SHANK2: variants seen among roughly 807,000 people sequenced by gnomAD.
SHANK2 encodes SH3 and multiple ankyrin repeat domains protein 2.
A neutral mutation model predicts 133.7 loss-of-function variants in SHANK2; 43 were observed. The ratio of observed to expected loss-of-function variants is 0.32; its 90% CI spans 0.25 to 0.41. SHANK2 has a LOEUF of 0.41. Among genes scored for constraint, SHANK2 ranks in the 10% least tolerant of loss-of-function variants. SHANK2 has a pLI of 1.00. For synonymous variants in SHANK2, 1,017 were observed against 952.8 expected, an observed-to-expected ratio of 1.07 and a Z score of -1.24; for missense variants, 1,994 against 2,235.8, an observed-to-expected ratio of 0.89 and a Z score of 2.18.
chr11:71,110,436 T>TCAAA (rs574848819), intron 5 of SHANK2, among the ~76,000 whole-genome samples: 5 of 151,480 alleles, frequency 3.3e-5, no homozygotes, highest in Admixed American at 6.6e-5. Flanking sequence ...AGACTCCATC[T>TCAAA]CAAACAAACA....
intron 2 of SHANK2, among the ~76,000 whole-genome samples, chr11:71,213,491 A>G (rs1305784022): frequency 1.3e-5 from 2 of 152,196 alleles, no homozygotes; most frequent in Non-Finnish European, 2.9e-5. Context: ...ATTTTCCTGT[A>G]AAACAGAGGT....
chr11:70,779,788 C>T (rs1947442030), intron 14 of SHANK2, among the ~76,000 whole-genome samples: 1 of 152,200 alleles, frequency 6.6e-6, no homozygotes, highest in Non-Finnish European at 1.5e-5. Flanking sequence ...TCCTGCCTGC[C>T]ACCCCCTCCT....
intron 4 of SHANK2, among the ~76,000 whole-genome samples, chr11:71,115,902 G>T (rs1290512433): frequency 1.3e-5 from 2 of 152,234 alleles, no homozygotes; most frequent in Non-Finnish European, 2.9e-5. Flanking sequence ...TGCCAGAAAA[G>T]TGTGTGGTCC....
At chr11:70,497,787 G>A (rs1459021791) in intron 21 of SHANK2, among the ~76,000 whole-genome samples, 11 of 152,204 alleles carry the variant, frequency 7.2e-5, no homozygotes, top group African/African-American at 1.9e-4. Flanking sequence ...GGAGTGACAC[G>A]ACCCCAGCGT....
chr11:71,192,516 G>A (rs1341832742), intron 2 of SHANK2, among the ~76,000 whole-genome samples: 2 of 152,180 alleles, frequency 1.3e-5, no homozygotes, highest in East Asian at 3.8e-4. Context: ...GGATGACATT[G>A]GAAGGTCCCA....
At chr11:71,182,023 C>T (rs564928417) in intron 2 of SHANK2, among the ~76,000 whole-genome samples, 1 of 152,298 alleles carries the variant, frequency 6.6e-6, no homozygotes, top group South Asian at 2.1e-4. Context: ...CTGTCTCCCC[C>T]TCATAGAGGA....
At chr11:70,662,932 G>A (rs1425174734) in intron 15 of SHANK2, among the ~76,000 whole-genome samples, 2 of 152,204 alleles carry the variant, frequency 1.3e-5, no homozygotes, top group Admixed American at 6.5e-5. Flanking sequence ...GCACCCCCCC[G>A]CCCCGTAGGA....
chr11:70,557,258 A>T (rs1304576378), intron 17 of SHANK2, among the ~76,000 whole-genome samples: 1 of 152,142 alleles, frequency 6.6e-6, no homozygotes, highest in African/African-American at 2.4e-5. Flanking sequence ...GAATGAAGCT[A>T]TCAACTGGCC....
intron 15 of SHANK2, among the ~76,000 whole-genome samples, chr11:70,691,885 C>T (rs782773993): frequency 2.6e-5 from 4 of 152,104 alleles, no homozygotes; most frequent in African/African-American, 9.7e-5. Flanking sequence ...CAGAGCAAAA[C>T]TCTGTCTCAA....
chr11:70,731,995 C>T (rs1470034798), intron 14 of SHANK2, among the ~76,000 whole-genome samples: 2 of 152,288 alleles, frequency 1.3e-5, no homozygotes, highest in East Asian at 1.9e-4. Context: ...TCCTCAGCTC[C>T]CCATCCTCTG....
chr11:71,138,527 G>A (rs1952491541), intron 3 of SHANK2, among the ~76,000 whole-genome samples: 2 of 152,024 alleles, frequency 1.3e-5, no homozygotes, highest in Admixed American at 1.3e-4. Context: ...TTGGAATCAA[G>A]CATATCCGGC....
rs1555094999 is a variant in SHANK2, at chr11:71,094,679, A to AG, written c.601dup (p.Leu201ProfsTer60). The AG allele has an allele frequency of 1.4e-5, 22 of 1,551,612 alleles. No homozygotes were observed. Among genetic ancestry groups the AG allele is most frequent in the Non-Finnish European group, 1.7e-5 (20 of 1,146,864 alleles). ...GTCGTCCAGCTGAGCGGCTAAGGTC[A>AG]GGGGGGTCTCTGAGGAACCCAAACA... is the stretch of plus-strand genomic sequence containing the variant. On this transcript the variant is annotated frameshift_variant, in exon 7 of 26. Coordinates refer to ENST00000601538, the MANE Select transcript of SHANK2 (RefSeq NM_012309.5). LOFTEE classifies it high-confidence loss of function.
At chr11:70,918,224 T>G (rs1047280694) in intron 10 of SHANK2, among the ~76,000 whole-genome samples, 1 of 152,188 alleles carries the variant, frequency 6.6e-6, no homozygotes, top group Non-Finnish European at 1.5e-5. Context: ...AGCCGCTCCA[T>G]GCGGGGCGGG....
intron 17 of SHANK2, among the ~76,000 whole-genome samples, chr11:70,524,823 C>G (rs1282683140): frequency 6.6e-6 from 1 of 152,218 alleles, no homozygotes; most frequent in Non-Finnish European, 1.5e-5. Context: ...GTTGAGATAG[C>G]CCCTCCAAGG....
chr11:70,691,895 AAAAT>A (rs1565245335), intron 15 of SHANK2, among the ~76,000 whole-genome samples: 2 of 152,188 alleles, frequency 1.3e-5, no homozygotes, highest in African/African-American at 4.8e-5. Context: ...CTCTGTCTCA[AAAAT>A]AAATAAATAA....
Position 70,785,545 on chromosome 11 carries a change from G to T in SHANK2, c.1777+12898C>A, listed in dbSNP as rs1335206415. Among the ~76,000 whole-genome samples, 3 of 152,328 alleles carry T rather than the reference G, an allele frequency of 2.0e-5. No homozygotes were observed. In the East Asian group the frequency reaches 5.8e-4, roughly 29 times the overall value. On this transcript the variant is annotated intron_variant, in intron 14 of 25. Coordinates refer to ENST00000601538, the MANE Select transcript of SHANK2 (RefSeq NM_012309.5). Reference sequence around the variant, plus strand: ...GTGGAGCAGAGGCAGCCTGCCGGTTGCAGGGAGAGGAGTCTGTTCCCAGTG... The same window carrying T: ...GTGGAGCAGAGGCAGCCTGCCGGTTTCAGGGAGAGGAGTCTGTTCCCAGTG...
intron 15 of SHANK2, among the ~76,000 whole-genome samples, chr11:70,676,268 C>G (rs1473225947): frequency 6.6e-6 from 1 of 152,260 alleles, no homozygotes; most frequent in Non-Finnish European, 1.5e-5. Flanking sequence ...CTATTGCAGC[C>G]TTTCCTGCAG....
At chr11:70,827,622 CTGTGTG>C (rs201245312) in intron 11 of SHANK2, among the ~76,000 whole-genome samples, 2 of 138,506 alleles carry the variant, frequency 1.4e-5, no homozygotes, top group Non-Finnish European at 1.5e-5. Context: ...ATTTAGTGTG[CTGTGTG>C]TGTGTGTGTG....
At chr11:70,753,447 C>A (rs1946798662) in intron 14 of SHANK2, among the ~76,000 whole-genome samples, 1 of 152,010 alleles carries the variant, frequency 6.6e-6, no homozygotes, top group Admixed American at 6.5e-5. Flanking sequence ...AGAAAAAGAA[C>A]AAAATCAACT....
Sources: gnomAD v4.1 joint callset for allele counts (sites outside exome capture counted in the v4.1 genomes callset) on GRCh38, gnomAD v4.1.1 for gene constraint, MANE v1.5 for transcripts, NCBI Gene and HGNC (gene_info 2026-07-23, HGNC 2026-07-21) for gene names.